The following INTU variants were observed in gnomAD, a reference collection of about 807,000 sequenced individuals.
INTU encodes the protein inturned planar cell polarity protein, also known as protein inturned.
Under a neutral mutation model 100.5 loss-of-function variants are expected in INTU, and 68 were observed. The ratio of observed to expected loss-of-function variants is 0.68; its 90% confidence interval spans 0.56 to 0.83. The LOEUF is 0.83. Among genes scored for constraint, INTU ranks in the 40% least tolerant of loss-of-function variants. The pLI is 0.00. For missense variants in INTU, 1,071 were observed against 1,114.7 expected (o/e 0.96, Z 0.56); for synonymous variants, 357 against 395.7 (o/e 0.90, Z 1.16).
At chr4:127,677,432 T>C in intron 6 of INTU, among the ~76,000 whole-genome samples, 1 of 150,608 alleles carries the variant, frequency 6.6e-6, no homozygotes, top group African/African-American at 2.5e-5. Flanking sequence ...ACAGCAGCAT[T>C]CGCGGTTCAC....
chr4:127,655,340 C>A (rs1442825799), intron 2 of INTU, among the ~76,000 whole-genome samples: 1 of 151,848 alleles, frequency 6.6e-6, no homozygotes, highest in Non-Finnish European at 1.5e-5. Flanking sequence ...TGTTTTTTCC[C>A]CATCTTTGTG....
At chr4:127,658,431 G>A (rs1728332638) in intron 3 of INTU, among the ~76,000 whole-genome samples, 2 of 152,168 alleles carry the variant, frequency 1.3e-5, no homozygotes, top group Admixed American at 6.5e-5. Context: ...CTAGATGTGG[G>A]GAGGTCCAAC....
intron 6 of INTU, among the ~76,000 whole-genome samples, chr4:127,678,461 A>G (rs1729345489): frequency 6.6e-6 from 1 of 152,226 alleles, no homozygotes; most frequent in African/African-American, 2.4e-5. Flanking sequence ...ATTCTTAAAG[A>G]GAAGAATTTT....
intron 4 of INTU, 117 bp from the exon 5 acceptor site, chr4:127,668,919 C>A: frequency 1.8e-6 from 1 of 553,748 alleles, no homozygotes; most frequent in South Asian, 2.9e-5. Context: ...AACAAAACTC[C>A]CACTGAAGCT....
intron 2 of INTU, among the ~76,000 whole-genome samples, chr4:127,647,624 A>G (rs1271126607): frequency 6.6e-6 from 1 of 152,186 alleles, no homozygotes; most frequent in Non-Finnish European, 1.5e-5. Flanking sequence ...AAACATAGAC[A>G]TCTTTGGGGG....
chr4:127,713,454 A>G (rs1348873844), intron 14 of INTU, among the ~76,000 whole-genome samples: 1 of 152,210 alleles, frequency 6.6e-6, no homozygotes, highest in Non-Finnish European at 1.5e-5. Context: ...TTTAGAGATT[A>G]TGGGTCAAAG....
At position 127,674,196 on chromosome 4, in the gene INTU, T is replaced by C. The variant is rs769842168; in HGVS notation, c.1164T>C (p.Ile388=). Residue 388 remains isoleucine, a synonymous_variant, in exon 6 of 16, where the codon ATT becomes ATC. Transcript: ENST00000335251. ...AAGAATCTGACAAGTTGTTGCTAAT[T>C]GGCCTGCCTGCTGAAGAGTAAGTTG... ...YWKESDKLLL[I]GLPAEEVPLP... 3.1e-6 allele frequency: 5 copies of C among 1,611,472 alleles called. No individual in the cohort carries two copies. Among genetic ancestry groups the C allele is most frequent in the Admixed American group, 1.7e-5 (1 of 59,770 alleles).
At chr4:127,688,033 G>T (rs1307827318) in intron 8 of INTU, among the ~76,000 whole-genome samples, 166 bp downstream of exon 8, 4 of 152,134 alleles carry the variant, frequency 2.6e-5, no homozygotes, top group Non-Finnish European at 4.4e-5. Flanking sequence ...CCCAGAAAGA[G>T]AAATTATCCT....
chr4:127,689,826 A>G (rs1730031212), intron 8 of INTU, among the ~76,000 whole-genome samples: 2 of 152,172 alleles, frequency 1.3e-5, no homozygotes, highest in Non-Finnish European at 2.9e-5. Context: ...GTAACTAGAT[A>G]ACTTTACCTT....
chr4:127,649,530 C>T (rs1350624827), intron 2 of INTU, among the ~76,000 whole-genome samples: 2 of 151,424 alleles, frequency 1.3e-5, no homozygotes, highest in South Asian at 2.1e-4. Context: ...TTTAATATTG[C>T]ATTATACTTA....
chr4:127,687,567 A>C, intron 7 of INTU, 111 bp from the exon 8 acceptor site: 2 of 748,010 alleles, frequency 2.7e-6, no homozygotes, highest in Non-Finnish European at 4.5e-6. Flanking sequence ...GGAAGAGAGG[A>C]GTGAGGAAGA....
At chr4:127,639,812 C>T (rs1360171520) in intron 1 of INTU, among the ~76,000 whole-genome samples, 1 of 152,074 alleles carries the variant, frequency 6.6e-6, no homozygotes, top group East Asian at 1.9e-4. Flanking sequence ...GAAATATACA[C>T]TATAATATTG....
intron 8 of INTU, among the ~76,000 whole-genome samples, chr4:127,690,203 A>G (rs1480518846): frequency 1.3e-5 from 2 of 152,172 alleles, no homozygotes; most frequent in Non-Finnish European, 2.9e-5. Flanking sequence ...TTTTTCATTG[A>G]GATTTTTGTT....
At position 127,708,555 on chromosome 4, in the gene INTU, T is replaced by C; in HGVS notation, c.2272-16T>C. ...ATTCTTAGATATAAACTGATCTACTTAACTATATTTTTCAGGTCACTAAAA... is the reference window on the plus strand; with the variant it reads ...ATTCTTAGATATAAACTGATCTACTCAACTATATTTTTCAGGTCACTAAAA... On this transcript the variant is annotated splice_polypyrimidine_tract_variant and intron_variant, in intron 12 of 15. Transcript: ENST00000335251. The C allele has an allele frequency of 7.3e-7, 1 of 1,368,996 alleles. No individual in the cohort carries two copies. Among genetic ancestry groups the C allele is most frequent in the Non-Finnish European group, 1.0e-6 (1 of 969,050 alleles). The allele number at this position is 1,368,996 out of a possible 1,614,324, so 84.8% of individuals were successfully genotyped here.
intron 5 of INTU, among the ~76,000 whole-genome samples, chr4:127,673,512 T>A (rs555502951): frequency 1.3e-5 from 2 of 151,934 alleles, no homozygotes; most frequent in South Asian, 2.1e-4. Context: ...GAAAAAAAAA[T>A]TATATTTAGT....
At chr4:127,676,971 C>T (rs750967921) in intron 6 of INTU, among the ~76,000 whole-genome samples, 109 of 152,174 alleles carry the variant, frequency 7.2e-4, no homozygotes, top group Non-Finnish European at 1.2e-3. Flanking sequence ...TCGGAGGGTC[C>T]TACGCCCACG....
At chr4:127,695,003 C>T (rs1730319084) in intron 8 of INTU, among the ~76,000 whole-genome samples, 1 of 152,108 alleles carries the variant, frequency 6.6e-6, no homozygotes, top group Admixed American at 6.6e-5. Context: ...TTTGCTTCTC[C>T]ATATAAACTT....
At chr4:127,644,582 C>T (rs553058756) in intron 2 of INTU, among the ~76,000 whole-genome samples, 1 of 152,072 alleles carries the variant, frequency 6.6e-6, no homozygotes, top group Non-Finnish European at 1.5e-5. Context: ...TAAAATATAT[C>T]TGTCATAAAA....
intron 5 of INTU, among the ~76,000 whole-genome samples, chr4:127,671,530 C>T (rs1728925734): frequency 6.6e-6 from 1 of 152,006 alleles, no homozygotes; most frequent in Non-Finnish European, 1.5e-5. Flanking sequence ...TAAATGAGTA[C>T]AACCTCTACA....
Sources: allele counts gnomAD v4.1 joint callset (sites outside exome capture counted in the v4.1 genomes callset), GRCh38; gene constraint gnomAD v4.1.1; transcripts MANE v1.5; gene names NCBI Gene and HGNC (gene_info 2026-07-23, HGNC 2026-07-21).